The following ARL6IP6 variants were observed in gnomAD, a reference collection of about 807,000 sequenced individuals.
ARL6IP6 encodes the protein ADP-ribosylation factor-like protein 6-interacting protein 6.
In ARL6IP6, 22 loss-of-function variants were observed where a neutral mutation model predicts 21.5. The ratio of observed to expected loss-of-function variants is 1.02; its 90% CI spans 0.73 to 1.46. The LOEUF is 1.46. Among genes scored for constraint, ARL6IP6 ranks in the 40% most tolerant of loss-of-function variants. The probability of loss-of-function intolerance (pLI) is 0.00; values close to 1 mark genes in which losing one functional copy is unlikely to be tolerated. For synonymous variants in ARL6IP6, 164 were observed against 125.3 expected, an observed-to-expected ratio of 1.31 and a Z score of -2.06; for missense variants, 388 against 299.8, an observed-to-expected ratio of 1.29 and a Z score of -2.17.
intron 1 of ARL6IP6, chr2:152,719,750 GAAAA>G (rs11328553): frequency 0.052 from 13,203 of 253,390 alleles, 291 homozygotes; most frequent in Admixed American, 0.13. Flanking sequence ...CCAAGTTACT[GAAAA>G]AAAAAAAAAA....
At chr2:152,723,965 T>A (rs912196534) in intron 2 of ARL6IP6, among the ~76,000 whole-genome samples, 1 of 152,112 alleles carries the variant, frequency 6.6e-6, no homozygotes, top group South Asian at 2.1e-4. Flanking sequence ...TATACTCTAT[T>A]AAGAAAGTGT....
intron 3 of ARL6IP6, among the ~76,000 whole-genome samples, chr2:152,735,931 G>C (rs1700530181): frequency 6.6e-6 from 1 of 152,062 alleles, no homozygotes; most frequent in Non-Finnish European, 1.5e-5. Flanking sequence ...TGCTAGTATA[G>C]TTATTAATAA....
At chr2:152,744,252 A>G (rs779483088) in intron 3 of ARL6IP6, among the ~76,000 whole-genome samples, 8 of 152,254 alleles carry the variant, frequency 5.3e-5, no homozygotes, top group Non-Finnish European at 8.8e-5. Flanking sequence ...AAATTATTAT[A>G]TTTTTATCAT....
intron 3 of ARL6IP6, among the ~76,000 whole-genome samples, chr2:152,736,793 C>T (rs1005848584): frequency 7.9e-5 from 12 of 152,128 alleles, no homozygotes; most frequent in Non-Finnish European, 1.2e-4. Context: ...CAACTATTTA[C>T]ACAGCATTTA....
At chr2:152,745,446 TACG>T (rs1427994154) in intron 3 of ARL6IP6, among the ~76,000 whole-genome samples, 8 of 152,198 alleles carry the variant, frequency 5.3e-5, no homozygotes, top group Non-Finnish European at 8.8e-5. Flanking sequence ...TAAAATAATA[TACG>T]AGTGTTACAG....
intron 3 of ARL6IP6, among the ~76,000 whole-genome samples, 187 bp downstream of exon 3, chr2:152,735,313 ATATC>A (rs1700502677): frequency 6.6e-6 from 1 of 152,180 alleles, no homozygotes; most frequent in South Asian, 2.1e-4. Flanking sequence ...TTAAAATTCT[ATATC>A]TAGATAATGC....
At chr2:152,739,025 C>T (rs1307996845) in intron 3 of ARL6IP6, among the ~76,000 whole-genome samples, 2 of 151,844 alleles carry the variant, frequency 1.3e-5, no homozygotes, top group Non-Finnish European at 2.9e-5. Context: ...CTCTGTCACC[C>T]AGGCTGGAGT....
At chr2:152,738,040 T>C (rs1700630441) in intron 3 of ARL6IP6, among the ~76,000 whole-genome samples, 1 of 152,012 alleles carries the variant, frequency 6.6e-6, no homozygotes, top group Non-Finnish European at 1.5e-5. Flanking sequence ...GTACAAGCAC[T>C]GTAAATACAC....
Position 152,762,293 on chromosome 2 carries a change from G to A in ARL6IP6, c.*2453G>A, listed in dbSNP as rs936316590. Among the ~76,000 whole-genome samples the A allele has an allele frequency of 2.0e-5, 3 of 152,208 alleles. No homozygotes were observed. Among genetic ancestry groups the A allele is most frequent in the African/African-American group, 7.2e-5 (3 of 41,444 alleles). ...AGTGGGAAAGAATAAGGCTGATAAC[G>A]GATATTGCTAATGGCGTTACCCTGG... On this transcript the variant is annotated 3_prime_UTR_variant, in exon 4 of 4. Transcript: ENST00000326446.
intron 3 of ARL6IP6, among the ~76,000 whole-genome samples, chr2:152,748,381 G>T (rs1290130888): frequency 1.3e-5 from 2 of 151,944 alleles, no homozygotes; most frequent in Non-Finnish European, 2.9e-5. Flanking sequence ...TTGTTTTTTT[G>T]TTTTGTTTTG....
chr2:152,753,817 C>T (rs1701451009), intron 3 of ARL6IP6, among the ~76,000 whole-genome samples: 1 of 151,784 alleles, frequency 6.6e-6, no homozygotes, highest in Admixed American at 6.6e-5. Context: ...CTGCCTCAGC[C>T]TCACGAGTAG....
chr2:152,732,508 TC>T, intron 2 of ARL6IP6: 1 of 432,004 alleles, frequency 2.3e-6, no homozygotes, highest in Non-Finnish European at 4.7e-6. Context: ...GGATTGCTGG[TC>T]TTTTTTTTTA....
In ARL6IP6 at chr2:152,736,953, C is replaced by T. The variant is rs934983373; in HGVS notation, c.587+1827C>T. Among the ~76,000 whole-genome samples the T allele has an allele frequency of 2.6e-5, 4 of 152,202 alleles. No homozygotes were observed. The East Asian group carries it at 5.8e-4, about 22-fold the overall frequency. ...TTGTGGGAATCCTGGAACCAATCTC[C>T]CAGTGGATACCAAGGTGCAACTGAA... On this transcript the variant is annotated intron_variant, in intron 3 of 3. Coordinates refer to ENST00000326446, the MANE Select transcript of ARL6IP6 (RefSeq NM_152522.7).
rs772868616 is a variant in ARL6IP6 at position 152,759,846 on chromosome 2, C to T, written c.*6C>T. On this transcript the variant is annotated 3_prime_UTR_variant, in exon 4 of 4. Coordinates refer to ENST00000326446, the MANE Select transcript of ARL6IP6 (RefSeq NM_152522.7). ...TAGCATGGTGCCTCATGTAAACCCA[C>T]ACTGGAGCGATATTGTTGGCAAAAC... The T allele has an allele frequency of 5.6e-6, 9 of 1,607,412 alleles. No homozygotes were observed. Among genetic ancestry groups the T allele is most frequent in the Non-Finnish European group, 6.8e-6 (8 of 1,174,288 alleles).
At chr2:152,720,394 T>C (rs1000046795) in intron 1 of ARL6IP6, 139 bp from the exon 2 acceptor site, 6 of 776,386 alleles carry the variant, frequency 7.7e-6, no homozygotes, top group Non-Finnish European at 1.1e-5. Context: ...ACATAGCTGG[T>C]AAATTGAATC....
chr2:152,735,504 T>C (rs1006453938), intron 3 of ARL6IP6, among the ~76,000 whole-genome samples: 6 of 152,200 alleles, frequency 3.9e-5, no homozygotes, highest in African/African-American at 1.4e-4. Context: ...AACATAATAA[T>C]TGGATTGGAC....
intron 3 of ARL6IP6, among the ~76,000 whole-genome samples, chr2:152,748,400 G>A (rs1369521811): frequency 6.6e-6 from 1 of 152,142 alleles, no homozygotes; most frequent in African/African-American, 2.4e-5. Flanking sequence ...TGTTTTCCAA[G>A]TTTCAGGTTT....
At position 152,718,826 on chromosome 2, in the gene ARL6IP6, A is replaced by C; in HGVS notation, c.202A>C (p.Arg68=). 1 of 1,610,242 alleles carries C rather than the reference A, an allele frequency of 6.2e-7. No homozygotes were observed. Among genetic ancestry groups the C allele is most frequent in the Non-Finnish European group, 8.5e-7 (1 of 1,178,008 alleles). ...EFSAGAWSEP[R]KRSVLPPDGN... ...CTCGGCTGGGGCGTGGTCAGAGCCC[A>C]GAAAGCGCTCGGTGCTCCCGCCGGA... Residue 68 remains arginine, a synonymous_variant, in exon 1 of 4, where the codon AGA becomes CGA. Coordinates refer to ENST00000326446, the MANE Select transcript of ARL6IP6 (RefSeq NM_152522.7).
Position 152,718,845 on chromosome 2 carries a change from C to A in ARL6IP6, c.221C>A (p.Pro74Gln). Residue 74 changes from proline to glutamine, a missense_variant, in exon 1 of 4, where the codon CCG (proline) becomes CAG (glutamine). Coordinates refer to ENST00000326446, the MANE Select transcript of ARL6IP6 (RefSeq NM_152522.7). Reference sequence around the variant, plus strand: ...GAGCCCAGAAAGCGCTCGGTGCTCCCGCCGGACGGGAACGGGTCGCCCGTT... The same window carrying A: ...GAGCCCAGAAAGCGCTCGGTGCTCCAGCCGGACGGGAACGGGTCGCCCGTT... The part of the protein sequence containing the change: ...WSEPRKRSVL[P>Q]PDGNGSPVLP... 1 of 1,612,040 alleles carries A rather than the reference C, an allele frequency of 6.2e-7. No individual in the cohort carries two copies. The highest frequency in any genetic ancestry group is 1.1e-5 in the South Asian group (1 of 90,878).
Sources: allele counts gnomAD v4.1 joint callset (sites outside exome capture counted in the v4.1 genomes callset), GRCh38; gene constraint gnomAD v4.1.1; transcripts MANE v1.5; gene names NCBI Gene and HGNC (gene_info 2026-07-23, HGNC 2026-07-21).